The following KIAA2012 variants were observed in gnomAD, a reference collection of about 807,000 sequenced individuals.
KIAA2012 encodes uncharacterized protein KIAA2012.
In KIAA2012, 125 loss-of-function variants were observed where a neutral mutation model predicts 150.6. The observed-to-expected ratio is 0.83, with a 90% CI of 0.72 to 0.96. The LOEUF is 0.96. Among genes scored for constraint, KIAA2012 ranks in the 40% least tolerant of loss-of-function variants. The pLI, the probability that KIAA2012 is intolerant of heterozygous loss-of-function variation, is 0.00. For missense variants in KIAA2012, 1,219 were observed against 1,354.9 expected, an observed-to-expected ratio of 0.90 and a Z score of 1.57; for synonymous variants, 462 against 504.7, an observed-to-expected ratio of 0.92 and a Z score of 1.13.
At chr2:202,186,464 A>T (rs932674878) in intron 16 of KIAA2012, among the ~76,000 whole-genome samples, 1 of 151,722 alleles carries the variant, frequency 6.6e-6, no homozygotes, top group Non-Finnish European at 1.5e-5. Flanking sequence ...GTGAGCCCAG[A>T]TCGCACCATT....
chr2:202,163,185 C>A (rs1025807214), intron 14 of KIAA2012, among the ~76,000 whole-genome samples: 8 of 147,192 alleles, frequency 5.4e-5, no homozygotes, highest in African/African-American at 2.0e-4. Flanking sequence ...CTAACTGCAA[C>A]CTCCACCTCC....
At chr2:202,143,982 G>C (rs960746353) in intron 13 of KIAA2012, among the ~76,000 whole-genome samples, 17 of 152,324 alleles carry the variant, frequency 1.1e-4, no homozygotes, top group South Asian at 2.1e-4. Flanking sequence ...TTATAGAGCT[G>C]TCAGGGCAGA....
chr2:202,089,870 A>T (rs1395742917), intron 2 of KIAA2012, among the ~76,000 whole-genome samples: 1 of 152,214 alleles, frequency 6.6e-6, no homozygotes, highest in Non-Finnish European at 1.5e-5. Flanking sequence ...ACAATTGTCA[A>T]TATTTATCAA....
intron 13 of KIAA2012, among the ~76,000 whole-genome samples, chr2:202,144,364 T>C (rs528207118): frequency 6.6e-6 from 1 of 151,158 alleles, no homozygotes; most frequent in South Asian, 2.1e-4. Context: ...GTGTATCTCT[T>C]TTGGATTTCA....
intron 15 of KIAA2012, chr2:202,178,831 G>A (rs1179178827): frequency 2.1e-5 from 4 of 191,012 alleles, no homozygotes; most frequent in African/African-American, 7.2e-5. Context: ...TTGAGAGACA[G>A]TGGACACCTC....
At chr2:202,079,680 C>T (rs987996523) in intron 2 of KIAA2012, among the ~76,000 whole-genome samples, 14 of 152,210 alleles carry the variant, frequency 9.2e-5, no homozygotes, top group African/African-American at 3.1e-4. Context: ...TCTTAGACTT[C>T]TGGATACACA....
chr2:202,177,121 A>G lies in KIAA2012; in HGVS notation c.2120-7632A>G, dbSNP rs536911851. Among the ~76,000 whole-genome samples, 480 of 152,370 alleles carry G rather than the reference A, an allele frequency of 3.2e-3. 1 individual carries two copies. The highest frequency in any genetic ancestry group is 0.011 in the African/African-American group (459 of 41,602). On this transcript the variant is annotated intron_variant, in intron 15 of 23. Transcript: ENST00000498697. ...CTATATGATAGCTGAAAATAAAATTACATGTATTAATATGGGTTAATCCCA... is the reference window on the plus strand; with the variant it reads ...CTATATGATAGCTGAAAATAAAATTGCATGTATTAATATGGGTTAATCCCA...
chr2:202,175,393 A>G (rs1397547134), intron 15 of KIAA2012, among the ~76,000 whole-genome samples: 2 of 152,232 alleles, frequency 1.3e-5, no homozygotes, highest in Admixed American at 1.3e-4. Flanking sequence ...AAAAGCCAGA[A>G]ATAGTTGTCA....
At chr2:202,204,674 T>G (rs985488208) in intron 23 of KIAA2012, among the ~76,000 whole-genome samples, 4 of 152,220 alleles carry the variant, frequency 2.6e-5, no homozygotes, top group African/African-American at 9.6e-5. Context: ...CCAACCTATT[T>G]GTAGTCTGTA....
At chr2:202,167,173 CAA>C (rs57330831) in intron 15 of KIAA2012, among the ~76,000 whole-genome samples, 1 of 118,594 alleles carries the variant, frequency 8.4e-6, no homozygotes. Context: ...GACTCCGTCT[CAA>C]AAAAAAAAAA....
At position 202,104,835 on chromosome 2, in the gene KIAA2012, AG is replaced by A. The variant is rs1690139260; in HGVS notation, c.1325-925del. On this transcript the variant is annotated intron_variant, in intron 8 of 23. Transcript: ENST00000498697. This position sits in a 1 kb window ranked among gnomAD's most constrained non-coding sequence, Gnocchi z 4.3. ...CAGACATCAAAACATCAGAATGAAAAGATACACTTAATAAAAAGACAGACAA... is the reference window on the plus strand; with the variant it reads ...CAGACATCAAAACATCAGAATGAAAAATACACTTAATAAAAAGACAGACAA... Among the ~76,000 whole-genome samples, 1 of 152,196 alleles carries A rather than the reference AG, an allele frequency of 6.6e-6. No homozygotes were observed. The highest frequency in any genetic ancestry group is 1.5e-5 in the Non-Finnish European group (1 of 68,036).
At chr2:202,195,145 T>C (rs1692392573) in intron 21 of KIAA2012, among the ~76,000 whole-genome samples, 1 of 152,052 alleles carries the variant, frequency 6.6e-6, no homozygotes. Context: ...GGCACATATA[T>C]GATATGTAAT....
At chr2:202,090,720 G>C in intron 2 of KIAA2012, 50 bp from the exon 3 acceptor site, 1 of 1,496,352 alleles carries the variant, frequency 6.7e-7, no homozygotes, top group Non-Finnish European at 9.0e-7. Flanking sequence ...GTATCACTGG[G>C]TGGCTCAGGG....
At chr2:202,147,909 C>T (rs569289370) in intron 13 of KIAA2012, among the ~76,000 whole-genome samples, 13 of 152,152 alleles carry the variant, frequency 8.5e-5, no homozygotes, top group Admixed American at 4.6e-4. Context: ...AACACAGGCA[C>T]AGTTCCGGCC....
chr2:202,191,664 G>T (rs1275457381), intron 19 of KIAA2012, among the ~76,000 whole-genome samples: 1 of 152,150 alleles, frequency 6.6e-6, no homozygotes, highest in Admixed American at 6.5e-5. Context: ...TCTTTCCTCT[G>T]CTGTTGGAAT....
rs141837175 is a variant in KIAA2012 at position 202,179,874 on chromosome 2, C to A, written c.2120-4879C>A. 4.1e-5 allele frequency: 28 copies of A among 674,710 alleles called. No individual in the cohort carries two copies. The African/African-American group carries it at 4.3e-4, about 10-fold the overall frequency. The allele number at this position is 674,710 out of a possible 1,614,324, so 41.8% of individuals were successfully genotyped here. A position where few individuals can be genotyped will look rare whatever the true frequency, so the allele number is the denominator to read the frequency against. ...ATGCCATTCATACAGCCATGTTAACCCTAAAGGAAAGCTTTGAAGGCCAAA... is the reference window on the plus strand; with the variant it reads ...ATGCCATTCATACAGCCATGTTAACACTAAAGGAAAGCTTTGAAGGCCAAA... On this transcript the variant is annotated intron_variant, in intron 15 of 23. Coordinates refer to ENST00000498697, the MANE Select transcript of KIAA2012 (RefSeq NM_001277372.4).
chr2:202,173,281 A>G (rs1371422088), intron 15 of KIAA2012, among the ~76,000 whole-genome samples: 1 of 152,166 alleles, frequency 6.6e-6, no homozygotes, highest in African/African-American at 2.4e-5. Flanking sequence ...AAGAAAGGAA[A>G]ATTATAGGCC....
rs929522576 is a variant in KIAA2012 at position 202,183,103 on chromosome 2, T to C, written c.2120-1650T>C. Among the ~76,000 whole-genome samples, 5 of 152,226 alleles carry C rather than the reference T, an allele frequency of 3.3e-5. No individual in the cohort carries two copies. In the East Asian group the frequency reaches 9.6e-4, roughly 29 times the overall value. On this transcript the variant is annotated intron_variant, in intron 15 of 23. Coordinates refer to ENST00000498697, the MANE Select transcript of KIAA2012 (RefSeq NM_001277372.4). ...CTAACTGTGTGGCCTGTGTAACCCT[T>C]CCTCATATCCTCATAAGATAACATT...
intron 12 of KIAA2012, among the ~76,000 whole-genome samples, chr2:202,125,509 G>A (rs899911067): frequency 1.3e-5 from 2 of 152,136 alleles, no homozygotes; most frequent in Non-Finnish European, 2.9e-5. Flanking sequence ...AAGAGACGTC[G>A]GGTGGAACCA....
Sources: allele counts gnomAD v4.1 joint callset (sites outside exome capture counted in the v4.1 genomes callset), GRCh38; gene constraint gnomAD v4.1.1; non-coding constraint Gnocchi (gnomAD v3.1); transcripts MANE v1.5; gene names NCBI Gene and HGNC (gene_info 2026-07-23, HGNC 2026-07-21).